The following MAST2 variants were observed in gnomAD, a reference collection of about 807,000 sequenced individuals.
MAST2 encodes the protein microtubule associated serine/threonine kinase 2.
Under a neutral mutation model 147.4 loss-of-function variants are expected in MAST2, and 70 were observed. That is an observed-to-expected ratio of 0.47 (90% confidence interval 0.39 to 0.58). The LOEUF (loss-of-function observed/expected upper bound fraction) is 0.58, where lower values mean the gene tolerates loss of function less well. MAST2 is among the 20% of genes least tolerant of loss of function. The pLI, the probability that MAST2 is intolerant of heterozygous loss-of-function variation, is 0.00. For synonymous variants in MAST2, 869 were observed against 896.8 expected (o/e 0.97, Z 0.55); for missense variants, 2,080 against 2,302.3 (o/e 0.90, Z 1.98).
At chr1:46,032,131 A>T in intron 24 of MAST2, 47 bp from the exon 25 acceptor site, 1 of 1,465,812 alleles carries the variant, frequency 6.8e-7, no homozygotes, top group Non-Finnish European at 9.6e-7. Flanking sequence ...ACCAGGGGCC[A>T]GGCCAAAGCC....
chr1:45,818,889 A>G (rs1158679664), intron 1 of MAST2, among the ~76,000 whole-genome samples: 2 of 152,246 alleles, frequency 1.3e-5, no homozygotes, highest in Non-Finnish European at 2.9e-5. Flanking sequence ...CAGCAAGTAA[A>G]TAAGTCTCTA....
At chr1:45,833,940 G>A (rs369906697) in intron 3 of MAST2, among the ~76,000 whole-genome samples, 1 of 150,044 alleles carries the variant, frequency 6.7e-6, no homozygotes, top group Non-Finnish European at 1.5e-5. Flanking sequence ...CCATTCTCCC[G>A]CCTAAAGATT....
At chr1:45,860,267 C>T (rs1645933686) in intron 3 of MAST2, among the ~76,000 whole-genome samples, 1 of 150,932 alleles carries the variant, frequency 6.6e-6, no homozygotes, top group Non-Finnish European at 1.5e-5. Context: ...ACCTGTAATC[C>T]CAGCTACTCG....
intron 11 of MAST2, among the ~76,000 whole-genome samples, chr1:46,020,752 T>G (rs971760813): frequency 6.6e-6 from 1 of 152,220 alleles, no homozygotes; most frequent in Admixed American, 6.5e-5. Flanking sequence ...TGGGTTTGCC[T>G]TTTGTACAGT....
At chr1:45,875,625 G>A (rs370723559) in intron 3 of MAST2, among the ~76,000 whole-genome samples, 2 of 152,024 alleles carry the variant, frequency 1.3e-5, no homozygotes, top group South Asian at 2.1e-4. Flanking sequence ...GCTTGTGCCC[G>A]GGGAAGTAGA....
rs200956432 is a variant in MAST2, at chr1:45,998,265, G to GC, written c.668+467dup. ...TTTGTGCCTCTCTCCTTGACTTTGA[G>GC]CTGGAGTTCGTTTGGGGGATAAAGA... On this transcript the variant is annotated intron_variant, in intron 6 of 28. Coordinates refer to ENST00000361297, the MANE Select transcript of MAST2 (RefSeq NM_015112.3). Among the ~76,000 whole-genome samples the GC allele has an allele frequency of 8.7e-3, 1,329 of 152,280 alleles. 12 individuals are homozygous for GC. The highest frequency in any genetic ancestry group is 0.027 in the African/African-American group (1,125 of 41,556).
chr1:45,999,763 C>T (rs536325883), intron 6 of MAST2, among the ~76,000 whole-genome samples: 2 of 152,196 alleles, frequency 1.3e-5, no homozygotes. Context: ...TCTAAAGGGG[C>T]CTTCTTGTCT....
chr1:45,976,257 G>A (rs866780377), intron 5 of MAST2, among the ~76,000 whole-genome samples: 22 of 152,110 alleles, frequency 1.4e-4, no homozygotes, highest in African/African-American at 4.6e-4. Context: ...GATTACAGGT[G>A]TGAGCCACCA....
Position 46,023,695 on chromosome 1 carries a change from G to C in MAST2, c.1572-77G>C. On this transcript the variant is annotated intron_variant, in intron 14 of 28. Transcript: ENST00000361297. This position sits in a 1 kb window ranked among gnomAD's most constrained non-coding sequence, Gnocchi z 4.9. ...TCTGTGCATTAATTAAGGTGTGAGA[G>C]AAGGCAGTTTGGGTGGCAGAGAGCA... is the stretch of plus-strand genomic sequence containing the variant. 1 of 1,342,684 alleles carries C rather than the reference G, an allele frequency of 7.4e-7. No homozygotes were observed. The highest frequency in any genetic ancestry group is 1.4e-5 in the African/African-American group (1 of 69,650). The allele number at this position is 1,342,684 out of a possible 1,614,324, so 83.2% of individuals were successfully genotyped here.
At chr1:45,815,155 G>A (rs1415094810) in intron 1 of MAST2, among the ~76,000 whole-genome samples, 1 of 151,796 alleles carries the variant, frequency 6.6e-6, no homozygotes. Context: ...TTTCAGCAAA[G>A]CAGAAGTAAT....
Position 45,899,307 on chromosome 1 carries a change from CTTT to C in MAST2, c.500+16930_500+16932del, listed in dbSNP as rs770069959. ...GCCAAAAATATTTTTCCTTTCTTTT[CTTT>C]TTTTTTTTTTTTTTTTTAGATTCAG... On this transcript the variant is annotated intron_variant, in intron 4 of 28. Coordinates refer to ENST00000361297, the MANE Select transcript of MAST2 (RefSeq NM_015112.3). Among the ~76,000 whole-genome samples the C allele has an allele frequency of 3.9e-4, 42 of 108,024 alleles. No individual in the cohort carries two copies. In the Admixed American group the frequency reaches 4.2e-3, roughly 11 times the overall value. 70.9% of individuals were successfully genotyped at this position (108,024 alleles called of 152,430 possible).
At chr1:45,871,018 G>T in intron 3 of MAST2, among the ~76,000 whole-genome samples, 2 of 148,840 alleles carry the variant, frequency 1.3e-5, no homozygotes, top group African/African-American at 2.5e-5. Context: ...CTTTATTTCA[G>T]CCTTTTCATA....
At chr1:45,999,367 A>T (rs1198247321) in intron 6 of MAST2, among the ~76,000 whole-genome samples, 1 of 152,148 alleles carries the variant, frequency 6.6e-6, no homozygotes, top group Non-Finnish European at 1.5e-5. Context: ...TGTTTGTCCA[A>T]CCCAGCTGGA....
At chr1:45,925,135 A>G (rs1654160411) in intron 4 of MAST2, among the ~76,000 whole-genome samples, 1 of 152,180 alleles carries the variant, frequency 6.6e-6, no homozygotes, top group Non-Finnish European at 1.5e-5. Flanking sequence ...TAAGGTCTTA[A>G]GCCTCTTTAT....
intron 4 of MAST2, among the ~76,000 whole-genome samples, chr1:45,926,131 C>A (rs187953501): frequency 3.2e-4 from 48 of 152,264 alleles, no homozygotes; most frequent in African/African-American, 1.1e-3. Context: ...TTGTTCTTAT[C>A]CTGGCCCTGC....
intron 3 of MAST2, among the ~76,000 whole-genome samples, chr1:45,848,323 G>T (rs1429608667): frequency 6.6e-6 from 1 of 151,992 alleles, no homozygotes; most frequent in Non-Finnish European, 1.5e-5. Context: ...TGATAAGAGT[G>T]ACTTACTGTG....
intron 3 of MAST2, among the ~76,000 whole-genome samples, chr1:45,858,097 G>A (rs190497494): frequency 6.6e-6 from 1 of 152,160 alleles, no homozygotes; most frequent in Admixed American, 6.5e-5. Flanking sequence ...CTTTATAGCA[G>A]CATGATTTAT....
At chr1:45,944,962 C>G (rs1003919839) in intron 4 of MAST2, among the ~76,000 whole-genome samples, 3 of 152,178 alleles carry the variant, frequency 2.0e-5, no homozygotes, top group African/African-American at 7.2e-5. Flanking sequence ...ATTTTAAGTG[C>G]CTGACATAGA....
chr1:45,812,159 G>C (rs1231491993), intron 1 of MAST2, among the ~76,000 whole-genome samples: 1 of 152,178 alleles, frequency 6.6e-6, no homozygotes, highest in African/African-American at 2.4e-5. Flanking sequence ...TTTGAGACAT[G>C]AGCATTTGAG....
Sources: allele counts gnomAD v4.1 joint callset (sites outside exome capture counted in the v4.1 genomes callset), GRCh38; gene constraint gnomAD v4.1.1; non-coding constraint Gnocchi (gnomAD v3.1); transcripts MANE v1.5; gene names NCBI Gene and HGNC (gene_info 2026-07-23, HGNC 2026-07-21).